UTRN: variants seen among roughly 807,000 people sequenced by gnomAD.
UTRN encodes dystrophin-related protein 1.
Under a neutral mutation model 463.9 loss-of-function variants are expected in UTRN, and 283 were observed. The ratio of observed to expected loss-of-function variants is 0.61; its 90% CI spans 0.55 to 0.67. The LOEUF is 0.67. UTRN is among the 30% of genes least tolerant of loss of function. The pLI is 0.00. For synonymous variants in UTRN, 1,442 were observed against 1,431.5 expected, an observed-to-expected ratio of 1.01 and a Z score of -0.17; for missense variants, 3,922 against 4,084.3, an observed-to-expected ratio of 0.96 and a Z score of 1.08.
intron 48 of UTRN, 81 bp downstream of exon 48, chr6:144,551,163 AC>A: frequency 2.4e-6 from 2 of 819,294 alleles, no homozygotes; most frequent in South Asian, 2.1e-5. Flanking sequence ...ACACACACAC[AC>A]ACACAAACAC....
chr6:144,463,708 G>A (rs1789641458), intron 23 of UTRN, among the ~76,000 whole-genome samples: 1 of 150,842 alleles, frequency 6.6e-6, no homozygotes, highest in Non-Finnish European at 1.5e-5. Flanking sequence ...CATAACTAGA[G>A]CAATGCCTGG....
rs1011849700 is a variant in UTRN, at chr6:144,553,802, T to C, written c.6929-886T>C. Among the ~76,000 whole-genome samples, 94 of 150,466 alleles carry C rather than the reference T, an allele frequency of 6.2e-4. 1 individual carries two copies. Among genetic ancestry groups the C allele is most frequent in the African/African-American group, 2.1e-3 (86 of 40,848 alleles). On this transcript the variant is annotated intron_variant, in intron 48 of 74. Coordinates refer to ENST00000367545, the MANE Select transcript of UTRN (RefSeq NM_007124.3). The stretch of plus-strand genomic sequence containing the variant: ...GCACACACCTATAGTCCCAGCTACA[T>C]GGGAGGCTGAGGCAGGAGAATCACT...
rs1562954970 is a variant in UTRN, at chr6:144,824,601, TATATATATA to T, written c.9495-2746_9495-2738del. Among the ~76,000 whole-genome samples, 212 of 59,238 alleles carry T rather than the reference TATATATATA, an allele frequency of 3.6e-3. 8 individuals carry two copies. Among genetic ancestry groups the T allele is most frequent in the African/African-American group, 0.02 (200 of 10,028 alleles). 38.9% of individuals were successfully genotyped at this position (59,238 alleles called of 152,430 possible). A position where few individuals can be genotyped will look rare whatever the true frequency, so the allele number is the denominator to read the frequency against. ...ATATATATATATATATATATATATA[TATATATATA>T]TATCTTTTTTTTTTTTTTTTTTTTT... On this transcript the variant is annotated intron_variant, in intron 66 of 74. Coordinates refer to ENST00000367545, the MANE Select transcript of UTRN (RefSeq NM_007124.3).
intron 73 of UTRN, among the ~76,000 whole-genome samples, chr6:144,841,787 T>C (rs1283639779): frequency 6.6e-6 from 1 of 152,154 alleles, no homozygotes; most frequent in Non-Finnish European, 1.5e-5. Flanking sequence ...CATAGCCTCT[T>C]ATTTTACCCT....
At chr6:144,629,485 T>C (rs946346856) in intron 51 of UTRN, among the ~76,000 whole-genome samples, 3 of 152,258 alleles carry the variant, frequency 2.0e-5, no homozygotes, top group Non-Finnish European at 4.4e-5. Context: ...AAGTTATTGC[T>C]GATCCTTAGA....
At chr6:144,406,054 T>C (rs1380311613) in intron 3 of UTRN, among the ~76,000 whole-genome samples, 4 of 152,250 alleles carry the variant, frequency 2.6e-5, no homozygotes, top group Non-Finnish European at 4.4e-5. Flanking sequence ...TAATTATTAC[T>C]CCTTGGATAG....
intron 34 of UTRN, among the ~76,000 whole-genome samples, chr6:144,503,804 G>A (rs903520754): frequency 6.6e-6 from 1 of 152,076 alleles, no homozygotes; most frequent in Non-Finnish European, 1.5e-5. Flanking sequence ...AGCTTGATGG[G>A]AATAGCATTG....
At chr6:144,572,303 TG>T (rs1801014460) in intron 50 of UTRN, among the ~76,000 whole-genome samples, 1 of 152,110 alleles carries the variant, frequency 6.6e-6, no homozygotes, top group Non-Finnish European at 1.5e-5. Context: ...CTGAGTTCTG[TG>T]GGGGATATCT....
In UTRN at chr6:144,762,760, A is replaced by G. The variant is rs115424160; in HGVS notation, c.8495+4771A>G. On this transcript the variant is annotated intron_variant, in intron 58 of 74. Coordinates refer to ENST00000367545, the MANE Select transcript of UTRN (RefSeq NM_007124.3). ...TTTCTGTCAACTGGTAGATTTAAGTATCTGCGAGTAAGATGGCCAACAAAG... is the reference window on the plus strand; with the variant it reads ...TTTCTGTCAACTGGTAGATTTAAGTGTCTGCGAGTAAGATGGCCAACAAAG... Among the ~76,000 whole-genome samples, 583 of 152,322 alleles carry G rather than the reference A, an allele frequency of 3.8e-3. 4 individuals carry two copies. Among genetic ancestry groups the G allele is most frequent in the African/African-American group, 0.013 (556 of 41,564 alleles).
At chr6:144,401,780 G>A (rs1254473260) in intron 2 of UTRN, among the ~76,000 whole-genome samples, 1 of 152,054 alleles carries the variant, frequency 6.6e-6, no homozygotes, top group Non-Finnish European at 1.5e-5. Context: ...ACTGGGTGAA[G>A]TGGTAGGCGA....
In UTRN at chr6:144,326,732, A is replaced by G. The variant is rs1775997257; in HGVS notation, c.79+34825A>G. 1.3e-5 allele frequency among the ~76,000 whole-genome samples: 2 copies of G among 152,074 alleles called. 1 individual carries two copies. Among genetic ancestry groups the G allele is most frequent in the Admixed American group, 1.3e-4 (2 of 15,258 alleles). ...TGGCTTCCTTCTGCTCTTCTCCATC[A>G]CTTGCAACCATGGATGGCTGTTGTG... On this transcript the variant is annotated intron_variant, in intron 2 of 74. Coordinates refer to ENST00000367545, the MANE Select transcript of UTRN (RefSeq NM_007124.3).
chr6:144,738,950 AG>A (rs1256629352), intron 54 of UTRN, among the ~76,000 whole-genome samples: 1 of 152,172 alleles, frequency 6.6e-6, no homozygotes, highest in Non-Finnish European at 1.5e-5. Flanking sequence ...AGTTGAGTAT[AG>A]TGGGTATAGT....
At chr6:144,836,002 C>G in intron 70 of UTRN, 64 bp downstream of exon 70, 1 of 1,567,974 alleles carries the variant, frequency 6.4e-7, no homozygotes, top group Non-Finnish European at 8.6e-7. Context: ...CACTGTAGCC[C>G]CCATTTATTC....
At position 144,485,507 on chromosome 6, in the gene UTRN, C is replaced by G; in HGVS notation, c.3810C>G (p.Asn1270Lys). 1 of 1,612,784 alleles carries G rather than the reference C, an allele frequency of 6.2e-7. No homozygotes were observed. Residue 1270 changes from asparagine (N) to lysine (K), a missense_variant, in exon 28 of 75, where the codon AAC (asparagine) becomes AAG (lysine). Around this residue, in one of 3 missense-constraint regions of UTRN, gnomAD observed 2,349 missense variants for 2,303.8 expected, o/e 1.02. Coordinates refer to ENST00000367545, the MANE Select transcript of UTRN (RefSeq NM_007124.3). ...EVLPEKTDAVNEALESLESVL... is the reference protein window; with the variant it reads ...EVLPEKTDAVKEALESLESVL... Reference sequence around the variant, plus strand: ...TGCCTGAGAAGACGGATGCTGTCAACGAAGCCCTGGAGGTTGGAACCCGTG... The same window carrying G: ...TGCCTGAGAAGACGGATGCTGTCAAGGAAGCCCTGGAGGTTGGAACCCGTG...
At chr6:144,535,018 A>T (rs1387280418) in intron 43 of UTRN, among the ~76,000 whole-genome samples, 3 of 152,080 alleles carry the variant, frequency 2.0e-5, no homozygotes, top group Non-Finnish European at 4.4e-5. Context: ...GTCCCATAAG[A>T]TCTTATATGT....
At chr6:144,620,591 CT>C (rs758495838) in intron 51 of UTRN, among the ~76,000 whole-genome samples, 2 of 152,062 alleles carry the variant, frequency 1.3e-5, no homozygotes, top group African/African-American at 2.4e-5. Flanking sequence ...TTTCTTACTA[CT>C]TTTTTTCCAT....
At chr6:144,788,226 T>C (rs577722580) in intron 61 of UTRN, among the ~76,000 whole-genome samples, 2 of 152,274 alleles carry the variant, frequency 1.3e-5, no homozygotes, top group East Asian at 3.9e-4. Context: ...TTTCCCCAAA[T>C]AGGGATTTCA....
At chr6:144,478,337 T>G (rs1156786108) in intron 25 of UTRN, among the ~76,000 whole-genome samples, 1 of 152,234 alleles carries the variant, frequency 6.6e-6, no homozygotes, top group African/African-American at 2.4e-5. Flanking sequence ...TTTTTGGATC[T>G]GTGAAAATTA....
intron 58 of UTRN, among the ~76,000 whole-genome samples, chr6:144,762,283 C>G (rs566540857): frequency 1.3e-5 from 2 of 152,090 alleles, no homozygotes; most frequent in South Asian, 4.1e-4. Flanking sequence ...GTGTCCTGGC[C>G]CCAATATTAG....
Sources: gnomAD v4.1 joint callset for allele counts (sites outside exome capture counted in the v4.1 genomes callset) on GRCh38, gnomAD v4.1.1 for gene constraint, gnomAD v4.1.1 regional missense constraint, MANE v1.5 for transcripts, NCBI Gene and HGNC (gene_info 2026-07-23, HGNC 2026-07-21) for gene names.